RBMS3: variants seen among roughly 807,000 people sequenced by gnomAD.
RBMS3 encodes the protein RNA binding motif single stranded interacting protein 3.
Under a neutral mutation model 66.8 loss-of-function variants are expected in RBMS3, and 27 were observed. The ratio of observed to expected loss-of-function variants is 0.40; its 90% CI spans 0.30 to 0.56. The LOEUF (loss-of-function observed/expected upper bound fraction) is 0.56. RBMS3 is among the 20% of genes least tolerant of loss of function. RBMS3 has a pLI of 0.40. For synonymous variants in RBMS3, 188 were observed against 183.0 expected, an observed-to-expected ratio of 1.03 and a Z score of -0.22; for missense variants, 513 against 549.5, an observed-to-expected ratio of 0.93 and a Z score of 0.66.
chr3:29,557,288 A>G (rs1401279559), intron 3 of RBMS3, among the ~76,000 whole-genome samples: 1 of 152,178 alleles, frequency 6.6e-6, no homozygotes, highest in Non-Finnish European at 1.5e-5. Context: ...TAAAATGACC[A>G]CAGATCCAGT....
chr3:29,282,297 C>T (rs1050341961), intron 1 of RBMS3, among the ~76,000 whole-genome samples: 2 of 152,020 alleles, frequency 1.3e-5, no homozygotes, highest in Non-Finnish European at 2.9e-5. Flanking sequence ...TTTTAATTTG[C>T]CTTGCCTATT....
intron 3 of RBMS3, among the ~76,000 whole-genome samples, chr3:29,535,696 TTGAG>T (rs1559447680): frequency 2.2e-5 from 3 of 138,482 alleles, no homozygotes; most frequent in African/African-American, 5.4e-5. Context: ...AGTTCAATGA[TTGAG>T]ATCATTGCTC....
chr3:29,341,223 AGTG>A (rs1463193621), intron 1 of RBMS3, among the ~76,000 whole-genome samples: 1 of 152,128 alleles, frequency 6.6e-6, no homozygotes, highest in Non-Finnish European at 1.5e-5. Context: ...GAAACTGACA[AGTG>A]GTAATTGCAT....
intron 3 of RBMS3, among the ~76,000 whole-genome samples, chr3:29,560,499 A>G (rs966571715): frequency 2.6e-5 from 4 of 152,248 alleles, no homozygotes; most frequent in Non-Finnish European, 5.9e-5. Flanking sequence ...AAATAGAAAC[A>G]AAAGTCTCTG....
chr3:29,557,866 G>T (rs2046415447), intron 3 of RBMS3, among the ~76,000 whole-genome samples: 2 of 152,202 alleles, frequency 1.3e-5, no homozygotes, highest in Admixed American at 1.3e-4. Flanking sequence ...AAGAGGAAGA[G>T]CAGACCTCTG....
chr3:29,577,794 G>A (rs924516231), intron 3 of RBMS3, among the ~76,000 whole-genome samples: 7 of 152,172 alleles, frequency 4.6e-5, no homozygotes, highest in Non-Finnish European at 1.0e-4. Context: ...TGGTGTTGGA[G>A]GGGTGGTTTT....
chr3:29,587,277 TGA>T, intron 4 of RBMS3, 72 bp downstream of exon 4: 1 of 654,608 alleles, frequency 1.5e-6, no homozygotes, highest in East Asian at 4.3e-5. Context: ...TGTGTGTGTG[TGA>T]AAGAGAGAGA....
intron 2 of RBMS3, among the ~76,000 whole-genome samples, chr3:29,487,934 T>C (rs1208729532): frequency 6.6e-6 from 1 of 152,204 alleles, no homozygotes; most frequent in Non-Finnish European, 1.5e-5. Flanking sequence ...ATTACATTGC[T>C]CCTGGAGCCT....
intron 3 of RBMS3, among the ~76,000 whole-genome samples, chr3:29,575,378 C>T (rs1056563229): frequency 6.6e-6 from 1 of 151,830 alleles, no homozygotes; most frequent in Non-Finnish European, 1.5e-5. Context: ...AGATGTATTA[C>T]AGCTCCATTG....
intron 5 of RBMS3, among the ~76,000 whole-genome samples, chr3:29,762,067 G>A (rs1222744005): frequency 2.0e-5 from 3 of 152,042 alleles, no homozygotes; most frequent in Non-Finnish European, 2.9e-5. Context: ...TGGTAACATT[G>A]CCAAAATTTA....
chr3:29,345,392 C>G lies in RBMS3; in HGVS notation c.75+63636C>G, dbSNP rs376446822. Reference sequence around the variant, plus strand: ...TTCTTGACTGAGAAATATTTAATAACAAGAAGCTCTACATTCTAGCAGTTT... The same window carrying G: ...TTCTTGACTGAGAAATATTTAATAAGAAGAAGCTCTACATTCTAGCAGTTT... On this transcript the variant is annotated intron_variant, in intron 1 of 14. Transcript: ENST00000383767. 4.9e-4 allele frequency among the ~76,000 whole-genome samples: 75 copies of G among 152,266 alleles called. 1 individual carries two copies. Among genetic ancestry groups the G allele is most frequent in the African/African-American group, 1.7e-3 (72 of 41,542 alleles).
intron 12 of RBMS3, among the ~76,000 whole-genome samples, chr3:29,952,525 T>A (rs940317100): frequency 6.6e-6 from 1 of 151,894 alleles, no homozygotes; most frequent in Non-Finnish European, 1.5e-5. Context: ...TATAATACAC[T>A]TTTAATTACA....
chr3:29,418,112 T>C lies in RBMS3; in HGVS notation c.76-16631T>C, dbSNP rs75999597. On this transcript the variant is annotated intron_variant, in intron 1 of 14. Coordinates refer to ENST00000383767, the MANE Select transcript of RBMS3 (RefSeq NM_001003793.3). ...TGAGATATTGATTGGTCACTAAAAC[T>C]AGCACATCAGCTACAAACATAACTT... is the stretch of plus-strand genomic sequence containing the variant. Among the ~76,000 whole-genome samples, 664 of 152,230 alleles carry C rather than the reference T, an allele frequency of 4.4e-3. 7 individuals are homozygous for C. Among genetic ancestry groups the C allele is most frequent in the African/African-American group, 0.015 (618 of 41,552 alleles).
intron 3 of RBMS3, among the ~76,000 whole-genome samples, chr3:29,548,834 A>G (rs777431412): frequency 2.0e-5 from 3 of 152,118 alleles, no homozygotes; most frequent in Non-Finnish European, 4.4e-5. Context: ...TCTACCACCA[A>G]GAATATAGAA....
At chr3:29,497,972 C>CTTTTTTTTTTTTT (rs1559412873) in intron 3 of RBMS3, among the ~76,000 whole-genome samples, 1 of 42,276 alleles carries the variant, frequency 2.4e-5, no homozygotes, top group African/African-American at 9.5e-5. Flanking sequence ...TAAAAGTATT[C>CTTTTTTTTTTTTT]ATTTTTTTTT....
intron 6 of RBMS3, among the ~76,000 whole-genome samples, chr3:29,805,619 T>G (rs1016836116): frequency 2.0e-5 from 3 of 151,948 alleles, no homozygotes; most frequent in Non-Finnish European, 4.4e-5. Context: ...TGTGTCTTAG[T>G]TTTTAACAGA....
At chr3:29,952,901 T>C (rs1695776128) in intron 12 of RBMS3, among the ~76,000 whole-genome samples, 1 of 151,884 alleles carries the variant, frequency 6.6e-6, no homozygotes, top group African/African-American at 2.4e-5. Flanking sequence ...ATTGAGCAGT[T>C]ACATTAGCAA....
chr3:29,574,729 G>A, intron 3 of RBMS3, among the ~76,000 whole-genome samples: 1 of 149,986 alleles, frequency 6.7e-6, no homozygotes, highest in South Asian at 2.1e-4. Context: ...TGTATCCATT[G>A]TGTGTTTTTT....
In RBMS3 at chr3:29,897,439, G is replaced by A. The variant is rs370849321; in HGVS notation, c.852G>A (p.Thr284=). ...TNRMIPQTSI[T]PFIAASPVST... Reference sequence around the variant, plus strand: ...GCATGATTCCACAGACATCTATCACGCCATTCATTGCTGCTTCCCCTGTCT... The same window carrying A: ...GCATGATTCCACAGACATCTATCACACCATTCATTGCTGCTTCCCCTGTCT... Residue 284 remains threonine (T), a synonymous_variant, in exon 9 of 15, where the codon ACG becomes ACA. Transcript: ENST00000383767. The A allele has an allele frequency of 2.7e-5, 43 of 1,610,862 alleles. No individual in the cohort carries two copies. Among genetic ancestry groups the A allele is most frequent in the Admixed American group, 1.3e-4 (8 of 59,720 alleles).
Sources: gnomAD v4.1 joint callset for allele counts (sites outside exome capture counted in the v4.1 genomes callset) on GRCh38, gnomAD v4.1.1 for gene constraint, MANE v1.5 for transcripts, NCBI Gene and HGNC (gene_info 2026-07-23, HGNC 2026-07-21) for gene names.